CBFA2T2: variants seen among roughly 807,000 people sequenced by gnomAD.
CBFA2T2 encodes CBFA2/RUNX1 partner transcriptional co-repressor 2, also known as protein CBFA2T2.
A neutral mutation model predicts 62.2 loss-of-function variants in CBFA2T2; 11 were observed. The observed-to-expected ratio is 0.18, with a 90% CI of 0.11 to 0.29. The LOEUF (loss-of-function observed/expected upper bound fraction) is 0.29. Ranked by LOEUF, CBFA2T2 falls within the 10% of genes least tolerant of loss-of-function variation. The pLI, the probability that CBFA2T2 is intolerant of heterozygous loss-of-function variation, is 1.00. For synonymous variants in CBFA2T2, 295 were observed against 287.5 expected (o/e 1.03, Z -0.27); for missense variants, 592 against 774.1 (o/e 0.76, Z 2.79).
rs891596845 is a variant in CBFA2T2 at position 33,640,545 on chromosome 20, G to A, written c.1488+14G>A. 18 of 1,613,078 alleles carry A rather than the reference G, an allele frequency of 1.1e-5. No individual in the cohort carries two copies. The highest frequency in any genetic ancestry group is 1.7e-4 in the Middle Eastern group (1 of 5,876). ...GAGTCCACGGAGGTCAGAGCTCTGC[G>A]CCCTGGGGGCTGGGGTGAGCAGCTG... On this transcript the variant is annotated intron_variant, in intron 10 of 10. Coordinates refer to ENST00000342704, the MANE Select transcript of CBFA2T2 (RefSeq NM_001032999.3).
chr20:33,596,185 A>G (rs1226315229), intron 1 of CBFA2T2, among the ~76,000 whole-genome samples: 1 of 152,144 alleles, frequency 6.6e-6, no homozygotes, highest in Non-Finnish European at 1.5e-5. Context: ...GAGTAATGAA[A>G]ATTTTATATT....
At chr20:33,548,928 G>T (rs1233181357) in intron 1 of CBFA2T2, among the ~76,000 whole-genome samples, 1 of 152,094 alleles carries the variant, frequency 6.6e-6, no homozygotes. Context: ...TTGCACTTCA[G>T]CCCCATCCTG....
chr20:33,512,634 A>T (rs185641846), intron 1 of CBFA2T2, among the ~76,000 whole-genome samples: 1 of 152,188 alleles, frequency 6.6e-6, no homozygotes, highest in African/African-American at 2.4e-5. Flanking sequence ...ACAGTAATAT[A>T]CCACAGTCGG....
intron 1 of CBFA2T2, among the ~76,000 whole-genome samples, chr20:33,494,431 G>A (rs1339472248): frequency 2.0e-5 from 3 of 148,524 alleles, no homozygotes; most frequent in Non-Finnish European, 4.5e-5. Context: ...ACAGGTGCCC[G>A]CCGCCACGCC....
intron 4 of CBFA2T2, 109 bp downstream of exon 4, chr20:33,619,715 A>G (rs901264865): frequency 1.4e-6 from 1 of 733,024 alleles, no homozygotes; most frequent in Non-Finnish European, 2.2e-6. Flanking sequence ...TTAGATCTTT[A>G]TTTTGGGCTG....
intron 1 of CBFA2T2, among the ~76,000 whole-genome samples, chr20:33,506,239 T>C (rs1462649223): frequency 6.6e-6 from 1 of 152,072 alleles, no homozygotes; most frequent in Non-Finnish European, 1.5e-5. Flanking sequence ...ACCCTGTCTC[T>C]ACAAGATAAT....
At chr20:33,538,556 A>G (rs542252782) in intron 1 of CBFA2T2, among the ~76,000 whole-genome samples, 1 of 152,168 alleles carries the variant, frequency 6.6e-6, no homozygotes, top group East Asian at 1.9e-4. Context: ...TTTAGTAGAG[A>G]CAAGGTTTTA....
chr20:33,490,526 G>A (rs1377397534), intron 1 of CBFA2T2, among the ~76,000 whole-genome samples: 1 of 152,182 alleles, frequency 6.6e-6, no homozygotes, highest in Admixed American at 6.5e-5. Context: ...CACGGTGTGA[G>A]GGAAATTGTG....
At chr20:33,562,040 A>G (rs1314904173) in intron 1 of CBFA2T2, among the ~76,000 whole-genome samples, 4 of 152,010 alleles carry the variant, frequency 2.6e-5, no homozygotes, top group African/African-American at 9.7e-5. Flanking sequence ...CTGGCTCAAA[A>G]AACAGAAGCT....
intron 1 of CBFA2T2, among the ~76,000 whole-genome samples, chr20:33,585,726 A>G (rs890826235): frequency 6.6e-6 from 1 of 152,256 alleles, no homozygotes; most frequent in Non-Finnish European, 1.5e-5. Flanking sequence ...TACCTAGTAC[A>G]TTAGTAATTG....
intron 1 of CBFA2T2, among the ~76,000 whole-genome samples, chr20:33,580,287 A>G (rs1213497489): frequency 6.6e-6 from 1 of 152,204 alleles, no homozygotes; most frequent in Admixed American, 6.5e-5. Flanking sequence ...GTAACGCAGT[A>G]AGAAATATCT....
intron 1 of CBFA2T2, among the ~76,000 whole-genome samples, chr20:33,548,297 T>C (rs2012636347): frequency 6.6e-6 from 1 of 151,690 alleles, no homozygotes; most frequent in Admixed American, 6.6e-5. Flanking sequence ...CCAGGCTGGA[T>C]TGCAGTCACG....
At chr20:33,532,699 A>G (rs534815091) in intron 1 of CBFA2T2, among the ~76,000 whole-genome samples, 2 of 152,350 alleles carry the variant, frequency 1.3e-5, no homozygotes, top group South Asian at 4.1e-4. Flanking sequence ...TCTTGTCTGC[A>G]TCTTGTGTTT....
intron 4 of CBFA2T2, among the ~76,000 whole-genome samples, chr20:33,622,071 G>A (rs1233319405): frequency 6.6e-6 from 1 of 152,154 alleles, no homozygotes; most frequent in South Asian, 2.1e-4. Context: ...CTGACATGGT[G>A]TTTTTTTCAA....
chr20:33,639,370 C>T lies in CBFA2T2; in HGVS notation c.1298-971C>T, dbSNP rs62209603. 4.8e-3 allele frequency: 725 copies of T among 152,308 alleles called. 4 individuals carry two copies. The highest frequency in any genetic ancestry group is 8.3e-3 in the Non-Finnish European group (564 of 68,116). The allele number at this position is 152,308 out of a possible 1,614,324, so 9.4% of individuals were successfully genotyped here. On this transcript the variant is annotated intron_variant, in intron 9 of 10. Transcript: ENST00000342704. ...TGGGCGGATCACGAGGTCAAGAGATCGAGACCATCCTGGCTAACATGGTGA... is the reference window on the plus strand; with the variant it reads ...TGGGCGGATCACGAGGTCAAGAGATTGAGACCATCCTGGCTAACATGGTGA...
At chr20:33,643,188 A>G (rs1048965112) in intron 10 of CBFA2T2, among the ~76,000 whole-genome samples, 7 of 152,218 alleles carry the variant, frequency 4.6e-5, no homozygotes, top group African/African-American at 1.7e-4. Context: ...CCTGACTTCT[A>G]GCCGAGTTCC....
At chr20:33,621,486 T>C (rs1255012655) in intron 4 of CBFA2T2, among the ~76,000 whole-genome samples, 1 of 151,702 alleles carries the variant, frequency 6.6e-6, no homozygotes, top group African/African-American at 2.4e-5. Context: ...TAGTAGAGAC[T>C]ATTAATAGTA....
chr20:33,616,079 A>AGATG (rs1483835552), intron 3 of CBFA2T2, among the ~76,000 whole-genome samples: 39 of 36,316 alleles, frequency 1.1e-3, no homozygotes, highest in African/African-American at 3.8e-3. Context: ...CTGTAGATAG[A>AGATG]GATAGATAGA....
At chr20:33,632,164 C>T (rs1275585290) in intron 8 of CBFA2T2, among the ~76,000 whole-genome samples, 1 of 152,124 alleles carries the variant, frequency 6.6e-6, no homozygotes, top group Non-Finnish European at 1.5e-5. Flanking sequence ...TTGCCTCATC[C>T]TCCTGAGTAG....
Sources: gnomAD v4.1 joint callset for allele counts (sites outside exome capture counted in the v4.1 genomes callset) on GRCh38, gnomAD v4.1.1 for gene constraint, MANE v1.5 for transcripts, NCBI Gene and HGNC (gene_info 2026-07-23, HGNC 2026-07-21) for gene names.